The following CSF3R variants were observed in gnomAD, a reference collection of about 807,000 sequenced individuals.
CSF3R encodes granulocyte colony-stimulating factor receptor.
CSF3R carries 52 observed loss-of-function variants against 84.4 expected under a neutral mutation model. The observed-to-expected ratio is 0.62, with a 90% CI of 0.49 to 0.78. CSF3R has a LOEUF of 0.78. Among genes scored for constraint, CSF3R ranks in the 30% least tolerant of loss-of-function variants. The pLI is 0.00. For missense variants in CSF3R, 890 were observed against 1,055.7 expected (o/e 0.84, Z 2.17); for synonymous variants, 384 against 429.1 (o/e 0.89, Z 1.30).
intron 10 of CSF3R, 100 bp downstream of exon 10, chr1:36,471,333 C>A (rs752074217): frequency 3.0e-4 from 356 of 1,201,306 alleles, no homozygotes; most frequent in Non-Finnish European, 4.0e-4. Context: ...AGGCGTGAGC[C>A]ACTGCGCCCG....
intron 3 of CSF3R, 58 bp downstream of exon 3, chr1:36,479,375 A>T: frequency 6.6e-7 from 1 of 1,526,292 alleles, no homozygotes; most frequent in Non-Finnish European, 9.1e-7. Flanking sequence ...GGAAATTCCC[A>T]ATATCTCTCC....
rs1455713002 is a variant in CSF3R, at chr1:36,466,062, AAAC to A, written c.*292_*294del. On this transcript the variant is annotated 3_prime_UTR_variant, in exon 17 of 17. Transcript: ENST00000373106. The surrounding 1 kb of genome is among the most constrained non-coding windows in gnomAD (Gnocchi z 4.6). Reference sequence around the variant, plus strand: ...CTCAGGTACACCCAAGAGTGTCTATAAACAACAACAAAAACTGCAAACCAAAAA... The same window carrying A: ...CTCAGGTACACCCAAGAGTGTCTATAAACAACAAAAACTGCAAACCAAAAA... 1.7e-5 allele frequency: 28 copies of A among 1,613,918 alleles called. No homozygotes were observed. The highest frequency in any genetic ancestry group is 2.7e-5 in the African/African-American group (2 of 74,922).
chr1:36,467,146 G>A lies in CSF3R; in HGVS notation c.2040+84C>T, dbSNP rs1650374933. 1.4e-6 allele frequency: 2 copies of A among 1,465,052 alleles called. No homozygotes were observed. Among genetic ancestry groups the A allele is most frequent in the Admixed American group, 3.4e-5 (2 of 59,502 alleles). The allele number at this position is 1,465,052 out of a possible 1,614,324, so 90.8% of individuals were successfully genotyped here. ...GTTGCCGGAAGTGACAGGAAGGCCT[G>A]AGTACTTGGCTTCAGAAGGTGTCCC... On this transcript the variant is annotated intron_variant, in intron 16 of 16. Transcript: ENST00000373106. The surrounding 1 kb of genome is among the most constrained non-coding windows in gnomAD (Gnocchi z 4.1).
chr1:36,479,487 G>A lies in CSF3R; in HGVS notation c.10C>T (p.Leu4=). 6.2e-7 allele frequency: 1 copy of A among 1,614,236 alleles called. No homozygotes were observed. The highest frequency in any genetic ancestry group is 8.5e-7 in the Non-Finnish European group (1 of 1,180,032). ...GCCCAAGTCAGGCTGCAGTTTCCCA[G>A]CCTTGCCATAGCACCAACTTGATGT... MAR[L]GNCSLTWAAL... Residue 4 remains leucine, a synonymous_variant, in exon 3 of 17, where the codon CTG becomes TTG. Coordinates refer to ENST00000373106, the MANE Select transcript of CSF3R (RefSeq NM_000760.4).
At chr1:36,478,111 C>T (rs563725181) in intron 3 of CSF3R, among the ~76,000 whole-genome samples, 1 of 152,324 alleles carries the variant, frequency 6.6e-6, no homozygotes, top group Non-Finnish European at 1.5e-5. Flanking sequence ...TGCTTCAAAA[C>T]TCTACCTGAT....
chr1:36,471,714 G>T (rs932588063), intron 9 of CSF3R, 68 bp from the exon 10 acceptor site: 2 of 1,525,608 alleles, frequency 1.3e-6, no homozygotes, highest in African/African-American at 1.4e-5. Context: ...GAGCCTCTAG[G>T]TGGGGTGGAT....
rs1351214893 is a variant in CSF3R at position 36,466,900 on chromosome 1, T to G, written c.2041-73A>C. 2 of 1,613,862 alleles carry G rather than the reference T, an allele frequency of 1.2e-6. No individual in the cohort carries two copies. ...GCCCCAGCCACTGTCCCTGTCTGGGTCCGGGCAGCTGTGGGGACATTCAAC... is the reference window on the plus strand; with the variant it reads ...GCCCCAGCCACTGTCCCTGTCTGGGGCCGGGCAGCTGTGGGGACATTCAAC... On this transcript the variant is annotated intron_variant, in intron 16 of 16. Transcript: ENST00000373106. This position sits in a 1 kb window ranked among gnomAD's most constrained non-coding sequence, Gnocchi z 4.6.
rs761438236 is a variant in CSF3R, at chr1:36,469,270, A to T, written c.1475-13T>A. The T allele has an allele frequency of 6.2e-7, 1 of 1,601,272 alleles. No homozygotes were observed. The highest frequency in any genetic ancestry group is 1.1e-5 in the South Asian group (1 of 90,846). ...GGCCTGATGTTCTCTGTAGAGAGAAAATGGGGTAGGCACTTCTGTTAGGGC... is the reference window on the plus strand; with the variant it reads ...GGCCTGATGTTCTCTGTAGAGAGAATATGGGGTAGGCACTTCTGTTAGGGC... On this transcript the variant is annotated splice_polypyrimidine_tract_variant and intron_variant, in intron 11 of 16. Transcript: ENST00000373106.
chr1:36,466,090 A>C lies in CSF3R; in HGVS notation c.*267T>G. On this transcript the variant is annotated 3_prime_UTR_variant, in exon 17 of 17. Transcript: ENST00000373106. The surrounding 1 kb of genome is among the most constrained non-coding windows in gnomAD (Gnocchi z 4.6). ...CAACAACAAAAACTGCAAACCAAAA[A>C]CTAGTTTACAATACTGAAGTTATAG... The C allele has an allele frequency of 6.2e-7, 1 of 1,614,148 alleles. No homozygotes were observed.
chr1:36,470,266 C>A (rs1363242125), intron 10 of CSF3R, among the ~76,000 whole-genome samples: 7 of 152,166 alleles, frequency 4.6e-5, no homozygotes, highest in Non-Finnish European at 2.9e-5. Context: ...CTCATTGCAA[C>A]CTCCACCTCC....
chr1:36,469,768 T>A lies in CSF3R; in HGVS notation c.1358A>T (p.Asn453Ile), dbSNP rs763953521. The A allele has an allele frequency of 5.6e-6, 9 of 1,613,730 alleles. No homozygotes were observed. The highest frequency in any genetic ancestry group is 7.6e-6 in the Non-Finnish European group (9 of 1,179,938). The change falls in exon 11 of 17, where the codon AAT (asparagine) becomes ATT (isoleucine). Residue 453 changes from asparagine (N) to isoleucine (I), a missense_variant. Transcript: ENST00000373106. ...HSLWVGWEPPNPWPQGYVIEW... is the reference protein window; with the variant it reads ...HSLWVGWEPPIPWPQGYVIEW... The stretch of plus-strand genomic sequence containing the variant: ...AATCACATAGCCCTGAGGCCATGGA[T>A]TGGGGGGCTCCCAGCCTACCCAGAG...
At chr1:36,477,156 C>T (rs1651205006) in intron 3 of CSF3R, 1 of 152,294 alleles carries the variant, frequency 6.6e-6, no homozygotes, top group African/African-American at 2.4e-5. Context: ...ACTTATCTAT[C>T]ACTCCAGCTA....
chr1:36,475,459 G>T lies in CSF3R; in HGVS notation c.279C>A (p.Asn93Lys). The T allele has an allele frequency of 6.2e-7, 1 of 1,614,232 alleles. No individual in the cohort carries two copies. The highest frequency in any genetic ancestry group is 8.5e-7 in the Non-Finnish European group (1 of 1,180,038). The change falls in exon 4 of 17, where the codon AAC becomes AAA. Residue 93 changes from asparagine (N) to lysine (K), a missense_variant. Coordinates refer to ENST00000373106, the MANE Select transcript of CSF3R (RefSeq NM_000760.4). ...AGCAGGAGAGAAAGGCCTGAGTGTG[G>T]TTGAGGTGGGGCAGGGTGATGATAG... ...QESIITLPHL[N>K]HTQAFLSCCL...
At chr1:36,468,247 C>T in intron 12 of CSF3R, 26 bp from the exon 13 acceptor site, 5 of 1,554,056 alleles carry the variant, frequency 3.2e-6, no homozygotes, top group Non-Finnish European at 4.3e-6. Flanking sequence ...GGTGCGGGGG[C>T]TGAAGGGAGT....
chr1:36,479,948 G>C lies in CSF3R; in HGVS notation c.-20-432C>G, dbSNP rs527967739. The C allele has an allele frequency of 1.3e-3, 415 of 311,508 alleles. 2 individuals are homozygous for C. Among genetic ancestry groups the C allele is most frequent in the Non-Finnish European group, 2.2e-3 (355 of 158,640 alleles). The allele number at this position is 311,508 out of a possible 1,614,324, so 19.3% of individuals were successfully genotyped here. A position where few individuals can be genotyped will look rare whatever the true frequency, so the allele number is the denominator to read the frequency against. Reference sequence around the variant, plus strand: ...CTGGGGAGAATGAAACAGGGAAGGAGAGAAAGCCAGCACAAAGTTACATCA... The same window carrying C: ...CTGGGGAGAATGAAACAGGGAAGGACAGAAAGCCAGCACAAAGTTACATCA... On this transcript the variant is annotated intron_variant, in intron 2 of 16. Coordinates refer to ENST00000373106, the MANE Select transcript of CSF3R (RefSeq NM_000760.4).
In CSF3R at chr1:36,466,878, C is replaced by G. The variant is rs762170433; in HGVS notation, c.2041-51G>C. The G allele has an allele frequency of 1.1e-5, 18 of 1,614,074 alleles. No homozygotes were observed. The highest frequency in any genetic ancestry group is 1.4e-5 in the Non-Finnish European group (16 of 1,180,004). ...GCACGGCTCATTTCAGATGTCTGCC[C>G]CAGCCACTGTCCCTGTCTGGGTCCG... On this transcript the variant is annotated intron_variant, in intron 16 of 16. Coordinates refer to ENST00000373106, the MANE Select transcript of CSF3R (RefSeq NM_000760.4). This position sits in a 1 kb window ranked among gnomAD's most constrained non-coding sequence, Gnocchi z 4.6.
At position 36,469,209 on chromosome 1, in the gene CSF3R, T is replaced by C. The variant is rs1442415912; in HGVS notation, c.1523A>G (p.Tyr508Cys). ...CTGGGAGGGTCCCATGGTGTCCTGG[T>C]ACAAGGGAGTCACGATGATCTCATA... ...QLYEIIVTPL[Y>C]QDTMGPSQHV... is the part of the protein sequence containing the mutation. Residue 508 changes from tyrosine (Y) to cysteine (C), a missense_variant, in exon 12 of 17, where the codon TAC (tyrosine) becomes TGC (cysteine). Physicochemically the swap from Tyr to Cys is radical, Grantham distance 194 (BLOSUM62 -2). Transcript: ENST00000373106. 2 of 1,614,118 alleles carry C rather than the reference T, an allele frequency of 1.2e-6. No individual in the cohort carries two copies. Among genetic ancestry groups the C allele is most frequent in the Non-Finnish European group, 1.7e-6 (2 of 1,179,988 alleles).
At position 36,471,441 on chromosome 1, in the gene CSF3R, T is replaced by C. The variant is rs1221894243; in HGVS notation, c.1277A>G (p.Glu426Gly). ...CTGCCAGCCCCCTTTACCTCTGCTT[T>C]CTGAGAAGACCACCGGAGTGGGACG... is the stretch of plus-strand genomic sequence containing the variant. ...TSRPTPVVFSESRGPALTRLH... is the reference protein window; with the variant it reads ...TSRPTPVVFSGSRGPALTRLH... Residue 426 changes from glutamate (E) to glycine (G), a missense_variant, in exon 10 of 17, where the codon GAA (glutamate) becomes GGA (glycine). Coordinates refer to ENST00000373106, the MANE Select transcript of CSF3R (RefSeq NM_000760.4). 1.2e-6 allele frequency: 2 copies of C among 1,613,930 alleles called. No homozygotes were observed. The highest frequency in any genetic ancestry group is 2.2e-5 in the East Asian group (1 of 44,886).
At chr1:36,475,282 C>G (rs556701180) in intron 4 of CSF3R, 95 bp downstream of exon 4, 2 of 1,486,100 alleles carry the variant, frequency 1.3e-6, no homozygotes, top group South Asian at 2.3e-5. Context: ...GCTGGGAATA[C>G]AGGCGTGAGC....
Sources: gnomAD v4.1 joint callset for allele counts (sites outside exome capture counted in the v4.1 genomes callset) on GRCh38, gnomAD v4.1.1 for gene constraint, Gnocchi (gnomAD v3.1) non-coding constraint, MANE v1.5 for transcripts, NCBI Gene and HGNC (gene_info 2026-07-23, HGNC 2026-07-21) for gene names.